The following ITIH4 variants were observed in gnomAD, a reference collection of about 807,000 sequenced individuals.
The protein encoded by ITIH4 is inter-alpha-trypsin inhibitor heavy chain H4.
A neutral mutation model predicts 111.8 loss-of-function variants in ITIH4; 79 were observed. The ratio of observed to expected loss-of-function variants is 0.71; its 90% CI spans 0.59 to 0.85. ITIH4 has a LOEUF of 0.85. Ranked by LOEUF, ITIH4 falls within the 40% of genes least tolerant of loss-of-function variation. The pLI is 0.00. For synonymous variants in ITIH4, 472 were observed against 468.3 expected (o/e 1.01, Z -0.10); for missense variants, 1,065 against 1,195.8 (o/e 0.89, Z 1.61).
chr3:52,826,612 GA>G lies in ITIH4; in HGVS notation c.558del (p.Leu187TrpfsTer8). On this transcript the variant is annotated frameshift_variant, in exon 5 of 24. Coordinates refer to ENST00000266041, the MANE Select transcript of ITIH4 (RefSeq NM_002218.5). LOFTEE classifies it high-confidence loss of function. ...GTCATGAAGGTGCTCTCTGTCTCCA[GA>G]AAGCTGATGCCCTGGGGCTCGAAGA... ...IHIFEPQGIS[F>X]LETESTFMTN... 1 of 1,614,126 alleles carries G rather than the reference GA, an allele frequency of 6.2e-7. No homozygotes were observed. Among genetic ancestry groups the G allele is most frequent in the Non-Finnish European group, 8.5e-7 (1 of 1,180,018 alleles).
At position 52,813,436 on chromosome 3, in the gene ITIH4, C is replaced by A. The variant is rs1700224670; in HGVS notation, c.2778G>T (p.Trp926Cys). Residue 926 changes from tryptophan (W) to cysteine (C), a missense_variant, in exon 24 of 24, where the codon TGG (tryptophan) becomes TGT (cysteine). Transcript: ENST00000266041. ...EGPPGVEISC[W>C]SVEL ...TCCATCAGAACTACAGCTCCACAGA[C>A]CAGCAGGAAATCTCCACTCCCGGGG... is the stretch of plus-strand genomic sequence containing the variant. 1 of 1,614,000 alleles carries A rather than the reference C, an allele frequency of 6.2e-7. No individual in the cohort carries two copies. Among genetic ancestry groups the A allele is most frequent in the Non-Finnish European group, 8.5e-7 (1 of 1,180,004 alleles).
At chr3:52,827,237 C>A (rs781169817) in intron 2 of ITIH4, 40 bp from the exon 3 acceptor site, 3 of 1,528,456 alleles carry the variant, frequency 2.0e-6, no homozygotes, top group South Asian at 1.1e-5. Flanking sequence ...AGCCTGGTGG[C>A]AGGGGCCCAT....
intron 23 of ITIH4, among the ~76,000 whole-genome samples, chr3:52,813,771 G>T (rs1018421203): frequency 1.3e-5 from 2 of 152,202 alleles, no homozygotes; most frequent in African/African-American, 2.4e-5. Context: ...GGGCCCATGT[G>T]TTTTCTGTGG....
chr3:52,814,099 G>T, intron 22 of ITIH4, 28 bp from the exon 23 acceptor site: 1 of 1,610,526 alleles, frequency 6.2e-7, no homozygotes. Context: ...GATCAGTAAG[G>T]GTCAGAGACA....
Position 52,824,907 on chromosome 3 carries a change from T to C in ITIH4, c.811A>G (p.Met271Val), listed in dbSNP as rs776240524. The C allele has an allele frequency of 7.5e-5, 121 of 1,614,006 alleles. No homozygotes were observed. The highest frequency in any genetic ancestry group is 1.6e-4 in the Middle Eastern group (1 of 6,082). Residue 271 changes from methionine to valine, a missense_variant, in exon 7 of 24, where the codon ATG (methionine) becomes GTG (valine). Met to Val is a conservative substitution (Grantham distance 21, BLOSUM62 1). Coordinates refer to ENST00000266041, the MANE Select transcript of ITIH4 (RefSeq NM_002218.5). This position sits in a 1 kb window ranked among gnomAD's most constrained non-coding sequence, Gnocchi z 4.3. ...ATGACAAAGACCACATTCTTGGGCA[T>C]TGTGGTTAGGCCCTCGGGGGCAAAG... ...HYFAPEGLTT[M>V]PKNVVFVIDK...
rs748839406 is a variant in ITIH4, at chr3:52,819,967, G to A, written c.1885C>T (p.Leu629Phe). The change falls in exon 15 of 24, where the codon CTC becomes TTC. Residue 629 changes from leucine to phenylalanine, a missense_variant. By Grantham distance (22) the Leu-to-Phe change is conservative. Coordinates refer to ENST00000266041, the MANE Select transcript of ITIH4 (RefSeq NM_002218.5). ...HSGSTFFKYY[L>F]QGAKIPKPEA... ...GGTTTTGGTATTTTTGCTCCCTGGA[G>A]ATAATATTTGAAGAAAGTGGAACCT... 1 of 1,614,104 alleles carries A rather than the reference G, an allele frequency of 6.2e-7. No homozygotes were observed. Among genetic ancestry groups the A allele is most frequent in the Non-Finnish European group, 8.5e-7 (1 of 1,180,020 alleles).
Position 52,824,060 on chromosome 3 carries a change from T to C in ITIH4, c.1172-56A>G. 3 of 1,546,316 alleles carry C rather than the reference T, an allele frequency of 1.9e-6. No homozygotes were observed. The highest frequency in any genetic ancestry group is 2.6e-6 in the Non-Finnish European group (3 of 1,145,608). On this transcript the variant is annotated intron_variant, in intron 9 of 23. Coordinates refer to ENST00000266041, the MANE Select transcript of ITIH4 (RefSeq NM_002218.5). This position sits in a 1 kb window ranked among gnomAD's most constrained non-coding sequence, Gnocchi z 4.3. Reference sequence around the variant, plus strand: ...AAAATAGTGATTTGCTTGAAGAATATTTCTGGAACCTCAGAGCCGAGGGGC... The same window carrying C: ...AAAATAGTGATTTGCTTGAAGAATACTTCTGGAACCTCAGAGCCGAGGGGC...
intron 6 of ITIH4, 72 bp from the exon 7 acceptor site, chr3:52,825,030 C>T (rs1033333543): frequency 3.5e-5 from 36 of 1,037,494 alleles, no homozygotes; most frequent in Admixed American, 6.5e-5. Flanking sequence ...GCCCCTTTAC[C>T]CCAAATTCTG....
chr3:52,818,820 T>G, intron 17 of ITIH4: 1 of 480,316 alleles, frequency 2.1e-6, no homozygotes, highest in Non-Finnish European at 3.7e-6. Context: ...CCTAGAAGGT[T>G]TCCTCATGAG....
intron 21 of ITIH4, among the ~76,000 whole-genome samples, chr3:52,815,403 A>G (rs1189033736): frequency 2.0e-5 from 3 of 151,480 alleles, no homozygotes; most frequent in African/African-American, 4.8e-5. Flanking sequence ...CACCACACCC[A>G]GCTAATTTTT....
Position 52,813,930 on chromosome 3 carries a change from C to T in ITIH4, c.2723+45G>A, listed in dbSNP as rs572500350. ...GCCTGGCTCCTGGCCTGCCAGTCCCCACCCCACCCCAGCTGGGCTCAGCGG... is the reference window on the plus strand; with the variant it reads ...GCCTGGCTCCTGGCCTGCCAGTCCCTACCCCACCCCAGCTGGGCTCAGCGG... On this transcript the variant is annotated intron_variant, in intron 23 of 23. Coordinates refer to ENST00000266041, the MANE Select transcript of ITIH4 (RefSeq NM_002218.5). 1.1e-5 allele frequency: 16 copies of T among 1,513,708 alleles called. No homozygotes were observed. The South Asian group carries it at 1.6e-4, about 15-fold the overall frequency. The allele number at this position is 1,513,708 out of a possible 1,614,324, so 93.8% of individuals were successfully genotyped here. A position where few individuals can be genotyped will look rare whatever the true frequency, so the allele number is the denominator to read the frequency against.
chr3:52,829,107 G>GGGGC lies in ITIH4; in HGVS notation c.251+11_251+12insGCCC. 4 of 834,996 alleles carry GGGGC rather than the reference G, an allele frequency of 4.8e-6. No homozygotes were observed. The highest frequency in any genetic ancestry group is 7.7e-6 in the Non-Finnish European group (4 of 522,514). 51.7% of individuals were successfully genotyped at this position (834,996 alleles called of 1,614,324 possible). A position where few individuals can be genotyped will look rare whatever the true frequency, so the allele number is the denominator to read the frequency against. ...GGGTGTGGAGAGGGGAGGAGGGTGG[G>GGGGC]AAGGCACCTACATGGAGAAGTTGGT... On this transcript the variant is annotated intron_variant, in intron 2 of 23. Coordinates refer to ENST00000266041, the MANE Select transcript of ITIH4 (RefSeq NM_002218.5).
intron 22 of ITIH4, 65 bp from the exon 23 acceptor site, chr3:52,814,136 G>A: frequency 6.2e-7 from 1 of 1,603,854 alleles, no homozygotes; most frequent in Non-Finnish European, 8.5e-7. Context: ...CACACGCAGG[G>A]GAGGGGCGCT....
In ITIH4 at chr3:52,827,185, G is replaced by A. The variant is rs1700495711; in HGVS notation, c.264C>T (p.Gly88=). ...CCTTGATGATCCCTGGGTAGGTCAT[G>A]CCATCGATGATCCTGGGGGCAGAAG... ...FITNFSMIID[G]MTYPGIIKEK... The change falls in exon 3 of 24, where the codon GGC becomes GGT. Residue 88 remains glycine (G), a synonymous_variant. Transcript: ENST00000266041. The A allele has an allele frequency of 2.5e-6, 4 of 1,613,926 alleles. No individual in the cohort carries two copies. The highest frequency in any genetic ancestry group is 1.3e-5 in the African/African-American group (1 of 75,046).
At chr3:52,825,840 T>C in intron 6 of ITIH4, 46 bp downstream of exon 6, 5 of 1,573,698 alleles carry the variant, frequency 3.2e-6, no homozygotes, top group Non-Finnish European at 4.3e-6. Context: ...CCCTTGGGGG[T>C]GGACAGACTT....
At chr3:52,825,047 T>C in intron 6 of ITIH4, 89 bp from the exon 7 acceptor site, 3 of 868,018 alleles carry the variant, frequency 3.5e-6, no homozygotes, top group East Asian at 2.5e-5. Flanking sequence ...TCTGGGTTTC[T>C]GTGCTCTGTT....
Position 52,818,458 on chromosome 3 carries a change from G to A in ITIH4, c.2152+4C>T, listed in dbSNP as rs760085381. The A allele has an allele frequency of 3.1e-6, 5 of 1,598,266 alleles. No individual in the cohort carries two copies. The Admixed American group carries it at 5.2e-5, about 17-fold the overall frequency. The stretch of plus-strand genomic sequence containing the variant: ...TAGGACAGGGCCTCTGGCCTTGGGG[G>A]CACCTTCGATTTTCATATTCATGAC... On this transcript the variant is annotated splice_donor_region_variant and intron_variant, in intron 18 of 23. Coordinates refer to ENST00000266041, the MANE Select transcript of ITIH4 (RefSeq NM_002218.5).
In ITIH4 at chr3:52,816,884, C is replaced by G. The variant is rs1292131346; in HGVS notation, c.2471G>C (p.Gly824Ala). 1 of 1,613,090 alleles carries G rather than the reference C, an allele frequency of 6.2e-7. No homozygotes were observed. Among genetic ancestry groups the G allele is most frequent in the Non-Finnish European group, 8.5e-7 (1 of 1,179,496 alleles). Residue 824 changes from glycine (G) to alanine (A), a missense_variant and splice_region_variant, in exon 21 of 24, where the codon GGC (glycine) becomes GCC (alanine). Coordinates refer to ENST00000266041, the MANE Select transcript of ITIH4 (RefSeq NM_002218.5). ...WKETLFSVMP[G>A]LKMTMDKTGL... ...CCCCGGGCTCCAGCCTGGGCCTTAC[C>G]CGGGCATCACTGAGAATAGCGTCTC...
At chr3:52,826,481 T>C (rs957542897) in intron 5 of ITIH4, 60 bp downstream of exon 5, 206 of 1,290,304 alleles carry the variant, frequency 1.6e-4, no homozygotes, top group Non-Finnish European at 2.2e-4. Context: ...TCCGGGCTCA[T>C]AGGGCTGGCC....
Sources: allele counts gnomAD v4.1 joint callset (sites outside exome capture counted in the v4.1 genomes callset), GRCh38; gene constraint gnomAD v4.1.1; non-coding constraint Gnocchi (gnomAD v3.1); transcripts MANE v1.5; gene names NCBI Gene and HGNC (gene_info 2026-07-23, HGNC 2026-07-21).